MIGA2: variants seen among roughly 807,000 people sequenced by gnomAD.
MIGA2 encodes family with sequence similarity 73, member B.
In MIGA2, 36 loss-of-function variants were observed where a neutral mutation model predicts 69.9. The observed-to-expected ratio is 0.52, with a 90% CI of 0.39 to 0.68. The LOEUF (loss-of-function observed/expected upper bound fraction) is 0.68. Ranked by LOEUF, MIGA2 falls within the 30% of genes least tolerant of loss-of-function variation. The pLI, the probability that MIGA2 is intolerant of heterozygous loss-of-function variation, is 0.00. For missense variants in MIGA2, 660 were observed against 787.7 expected (o/e 0.84, Z 1.94); for synonymous variants, 333 against 349.2 (o/e 0.95, Z 0.52).
Position 129,057,382 on chromosome 9 carries a change from C to A in MIGA2, c.676-1772C>A, listed in dbSNP as rs886540638. ...GATCTCGGCTCACTGCAAGCTCCCC[C>A]TCCCGGGTTCATGCCATCCTCCTGT... On this transcript the variant is annotated intron_variant, in intron 6 of 15. Coordinates refer to ENST00000684074, the MANE Select transcript of MIGA2 (RefSeq NM_001329990.2). 2.6e-5 allele frequency among the ~76,000 whole-genome samples: 4 copies of A among 152,002 alleles called. No individual in the cohort carries two copies. The South Asian group carries it at 6.2e-4, about 24-fold the overall frequency.
At chr9:129,042,598 A>T in intron 3 of MIGA2, 84 bp downstream of exon 3, 1 of 1,387,106 alleles carries the variant, frequency 7.2e-7, no homozygotes, top group Non-Finnish European at 9.8e-7. Context: ...CTACTTGGGG[A>T]TATTGGGCCA....
At chr9:129,053,770 G>T (rs1845666309) in intron 6 of MIGA2, among the ~76,000 whole-genome samples, 1 of 152,140 alleles carries the variant, frequency 6.6e-6, no homozygotes, top group African/African-American at 2.4e-5. Flanking sequence ...AGGATTGTTT[G>T]AGCCAGTGAG....
chr9:129,045,217 G>A (rs1845152641), intron 3 of MIGA2, among the ~76,000 whole-genome samples: 1 of 150,924 alleles, frequency 6.6e-6, no homozygotes, highest in African/African-American at 2.4e-5. Flanking sequence ...TGAGGTGGGC[G>A]GGTCACCTGA....
intron 3 of MIGA2, among the ~76,000 whole-genome samples, chr9:129,045,166 A>C (rs1187063451): frequency 2.0e-5 from 3 of 150,588 alleles, no homozygotes; most frequent in South Asian, 4.2e-4. Context: ...AAAAAAAAAA[A>C]CGAAGCAAAA....
At position 129,063,194 on chromosome 9, in the gene MIGA2, C is replaced by T. The variant is rs576381076; in HGVS notation, c.1011-50C>T. 5.0e-6 allele frequency: 8 copies of T among 1,600,494 alleles called. No homozygotes were observed. In the South Asian group the frequency reaches 7.7e-5, roughly 15 times the overall value. On this transcript the variant is annotated intron_variant, in intron 9 of 15. Coordinates refer to ENST00000684074, the MANE Select transcript of MIGA2 (RefSeq NM_001329990.2). ...CCAGGTGCCACCTGACCCCCCGGGGCATCGCTGGGCAGGGACCAGGTTGTG... is the reference window on the plus strand; with the variant it reads ...CCAGGTGCCACCTGACCCCCCGGGGTATCGCTGGGCAGGGACCAGGTTGTG...
At chr9:129,045,269 C>T in intron 3 of MIGA2, among the ~76,000 whole-genome samples, 1 of 151,584 alleles carries the variant, frequency 6.6e-6, no homozygotes. Context: ...TGGTGAAACC[C>T]CCTCTCTACT....
intron 1 of MIGA2, among the ~76,000 whole-genome samples, chr9:129,039,533 C>T (rs964812414): frequency 1.3e-5 from 2 of 151,818 alleles, no homozygotes; most frequent in African/African-American, 4.8e-5. Context: ...GCGTAAGCCA[C>T]TGTGCCCAGC....
Position 129,068,662 on chromosome 9 carries a change from A to G in MIGA2, c.1404+330A>G, listed in dbSNP as rs1846503410. 1 of 412,080 alleles carries G rather than the reference A, an allele frequency of 2.4e-6. No individual in the cohort carries two copies. The highest frequency in any genetic ancestry group is 4.4e-6 in the Non-Finnish European group (1 of 224,908). The allele number at this position is 412,080 out of a possible 1,614,324, so 25.5% of individuals were successfully genotyped here. On this transcript the variant is annotated intron_variant, in intron 13 of 15. Coordinates refer to ENST00000684074, the MANE Select transcript of MIGA2 (RefSeq NM_001329990.2). This position sits in a 1 kb window ranked among gnomAD's most constrained non-coding sequence, Gnocchi z 4.1. ...GGGAAAGCAAAACCAAAAGGAAAAAAAGGCACAGAGTGAGAGACAACCCAG... is the reference window on the plus strand; with the variant it reads ...GGGAAAGCAAAACCAAAAGGAAAAAGAGGCACAGAGTGAGAGACAACCCAG...
Position 129,069,337 on chromosome 9 carries a change from A to G in MIGA2, c.1458+208A>G, listed in dbSNP as rs1846541012. ...TTCCTCTCCTCCCCAGGCCCAGCACAGAGCAGGCCACTGGGGAGGGGAACG... is the reference window on the plus strand; with the variant it reads ...TTCCTCTCCTCCCCAGGCCCAGCACGGAGCAGGCCACTGGGGAGGGGAACG... On this transcript the variant is annotated intron_variant, in intron 14 of 15. Transcript: ENST00000684074. This position sits in a 1 kb window ranked among gnomAD's most constrained non-coding sequence, Gnocchi z 4.9. 3.2e-6 allele frequency: 2 copies of G among 626,074 alleles called. No homozygotes were observed. Among genetic ancestry groups the G allele is most frequent in the African/African-American group, 1.8e-5 (1 of 54,514 alleles). The allele number at this position is 626,074 out of a possible 1,614,324, so 38.8% of individuals were successfully genotyped here. A position where few individuals can be genotyped will look rare whatever the true frequency, so the allele number is the denominator to read the frequency against.
intron 12 of MIGA2, 86 bp downstream of exon 12, chr9:129,067,957 G>A: frequency 6.9e-7 from 1 of 1,459,130 alleles, no homozygotes; most frequent in Non-Finnish European, 9.4e-7. Flanking sequence ...CTCTAGCTCA[G>A]TTCCAAGCGG....
At position 129,070,472 on chromosome 9, in the gene MIGA2, G is replaced by C; in HGVS notation, c.*19G>C. 1 of 1,516,190 alleles carries C rather than the reference G, an allele frequency of 6.6e-7. No individual in the cohort carries two copies. The highest frequency in any genetic ancestry group is 8.8e-7 in the Non-Finnish European group (1 of 1,130,078). 93.9% of individuals were successfully genotyped at this position (1,516,190 alleles called of 1,614,324 possible). On this transcript the variant is annotated 3_prime_UTR_variant, in exon 16 of 16. Coordinates refer to ENST00000684074, the MANE Select transcript of MIGA2 (RefSeq NM_001329990.2). Reference sequence around the variant, plus strand: ...GCAGTAGAGGCGGCACGGGCTGGGGGGTGGCAGAGAGAAGGCTCCTCCTCC... The same window carrying C: ...GCAGTAGAGGCGGCACGGGCTGGGGCGTGGCAGAGAGAAGGCTCCTCCTCC...
chr9:129,047,758 C>G (rs1332286250), intron 3 of MIGA2, among the ~76,000 whole-genome samples: 1 of 151,822 alleles, frequency 6.6e-6, no homozygotes, highest in Non-Finnish European at 1.5e-5. Flanking sequence ...GAGACAGGGT[C>G]TCACTCTGCT....
rs1382533033 is a variant in MIGA2, at chr9:129,070,448, C to T, written c.1777C>T (p.Gln593Ter). 5.7e-6 allele frequency: 9 copies of T among 1,573,208 alleles called. No homozygotes were observed. The highest frequency in any genetic ancestry group is 2.3e-5 in the East Asian group (1 of 43,876). ...PRENGPLGEL[Q>*] ...AGAGAATGGGCCCCTGGGGGAGCTG[C>T]AGTAGAGGCGGCACGGGCTGGGGGG... Residue 593 changes from glutamine (Q) to a stop codon, truncating the protein, a stop_gained, in exon 16 of 16, where the codon CAG (glutamine) becomes TAG (stop). Transcript: ENST00000684074. LOFTEE classifies it high-confidence loss of function.
At chr9:129,041,147 C>T (rs917693443) in intron 2 of MIGA2, among the ~76,000 whole-genome samples, 9 of 152,130 alleles carry the variant, frequency 5.9e-5, no homozygotes, top group African/African-American at 2.2e-4. Context: ...CCAGCCTGAC[C>T]AATATGGTGA....
At position 129,067,753 on chromosome 9, in the gene MIGA2, G is replaced by C. The variant is rs749345752; in HGVS notation, c.1171-20G>C. The C allele has an allele frequency of 3.8e-6, 6 of 1,598,370 alleles. No individual in the cohort carries two copies. The highest frequency in any genetic ancestry group is 5.1e-6 in the Non-Finnish European group (6 of 1,171,840). ...TGGGTCTTGTCCAGTGACCAGGATG[G>C]GCCGTGCTTCTCTCCACAGAGCCCC... On this transcript the variant is annotated intron_variant, in intron 11 of 15. Coordinates refer to ENST00000684074, the MANE Select transcript of MIGA2 (RefSeq NM_001329990.2).
At chr9:129,067,749 G>A (rs1325055343) in intron 11 of MIGA2, 24 bp from the exon 12 acceptor site, 2 of 1,595,084 alleles carry the variant, frequency 1.3e-6, no homozygotes, top group Admixed American at 3.5e-5. Flanking sequence ...CAGTGACCAG[G>A]ATGGGCCGTG....
intron 6 of MIGA2, among the ~76,000 whole-genome samples, chr9:129,053,625 G>A (rs369042412): frequency 1.8e-4 from 28 of 152,096 alleles, no homozygotes; most frequent in African/African-American, 4.8e-4. Flanking sequence ...CCTCGGCCTC[G>A]CAACGTGCTG....
intron 6 of MIGA2, among the ~76,000 whole-genome samples, chr9:129,053,346 T>C (rs1845642636): frequency 6.6e-6 from 1 of 152,118 alleles, no homozygotes; most frequent in Admixed American, 6.6e-5. Context: ...TTCAGGCATT[T>C]TTTTCTGTCT....
chr9:129,063,650 G>A lies in MIGA2; in HGVS notation c.1170+19G>A. 5 of 1,487,184 alleles carry A rather than the reference G, an allele frequency of 3.4e-6. No individual in the cohort carries two copies. Among genetic ancestry groups the A allele is most frequent in the Non-Finnish European group, 4.7e-6 (5 of 1,068,218 alleles). The allele number at this position is 1,487,184 out of a possible 1,614,324, so 92.1% of individuals were successfully genotyped here. On this transcript the variant is annotated intron_variant, in intron 11 of 15. Transcript: ENST00000684074. ...TGAGAAGGTAGCAGGGGGTGGGGTG[G>A]GGGGGCAAATTATAAAATGCAAACC...
Sources: gnomAD v4.1 joint callset for allele counts (sites outside exome capture counted in the v4.1 genomes callset) on GRCh38, gnomAD v4.1.1 for gene constraint, Gnocchi (gnomAD v3.1) non-coding constraint, MANE v1.5 for transcripts, NCBI Gene and HGNC (gene_info 2026-07-23, HGNC 2026-07-21) for gene names.